The following GNAQ variants were observed in gnomAD, a reference collection of about 807,000 sequenced individuals.
GNAQ encodes the protein G protein subunit alpha q.
GNAQ carries 8 observed loss-of-function variants against 43.9 expected under a neutral mutation model. The observed-to-expected ratio is 0.18, with a 90% CI of 0.11 to 0.33. The LOEUF (loss-of-function observed/expected upper bound fraction) is 0.33, where lower values mean the gene tolerates loss of function less well. GNAQ is among the 10% of genes least tolerant of loss of function. GNAQ has a pLI of 1.00. For missense variants in GNAQ, 158 were observed against 450.8 expected (o/e 0.35, Z 5.88); for synonymous variants, 155 against 170.7 (o/e 0.91, Z 0.71).
chr9:77,866,025 T>C (rs918419790), intron 2 of GNAQ, among the ~76,000 whole-genome samples: 2 of 152,218 alleles, frequency 1.3e-5, no homozygotes, highest in African/African-American at 4.8e-5. Flanking sequence ...ACTGAGAAAG[T>C]TGCTATAATA....
intron 1 of GNAQ, among the ~76,000 whole-genome samples, chr9:78,011,895 C>T (rs1823776442): frequency 1.3e-5 from 2 of 151,968 alleles, no homozygotes; most frequent in African/African-American, 4.8e-5. Context: ...AAAAAAAATT[C>T]AATGATAAAA....
chr9:77,847,942 C>G (rs1827613602), intron 2 of GNAQ, among the ~76,000 whole-genome samples: 1 of 152,228 alleles, frequency 6.6e-6, no homozygotes, highest in Non-Finnish European at 1.5e-5. Flanking sequence ...CAGACCTGCA[C>G]TTAAGTATCT....
chr9:77,876,371 G>A lies in GNAQ; in HGVS notation c.321+45790C>T, dbSNP rs761942869. 1.1e-3 allele frequency among the ~76,000 whole-genome samples: 169 copies of A among 152,190 alleles called. 1 individual carries two copies. Among genetic ancestry groups the A allele is most frequent in the Non-Finnish European group, 6.8e-4 (46 of 68,034 alleles). ...AGCTCCAACTGCATCCCTGTCTGGG[G>A]GAGTTTAGGCAAGCTGCTTAATCAC... On this transcript the variant is annotated intron_variant, in intron 2 of 6. Coordinates refer to ENST00000286548, the MANE Select transcript of GNAQ (RefSeq NM_002072.5).
chr9:77,988,917 C>G (rs1823475421), intron 1 of GNAQ, among the ~76,000 whole-genome samples: 1 of 152,152 alleles, frequency 6.6e-6, no homozygotes, highest in Admixed American at 6.6e-5. Flanking sequence ...GGCAGTAACT[C>G]CTAAGATGAT....
intron 2 of GNAQ, among the ~76,000 whole-genome samples, chr9:77,896,948 T>C (rs1182284464): frequency 6.6e-6 from 1 of 152,052 alleles, no homozygotes; most frequent in Non-Finnish European, 1.5e-5. Flanking sequence ...TGGGCAGCTG[T>C]GTTTTGTCCT....
At chr9:77,797,889 G>A (rs1311214452) in intron 3 of GNAQ, among the ~76,000 whole-genome samples, 2 of 152,058 alleles carry the variant, frequency 1.3e-5, no homozygotes, top group African/African-American at 4.8e-5. Flanking sequence ...TTATCAATTA[G>A]AACTCATACT....
At chr9:77,746,901 T>C (rs1825739268) in intron 5 of GNAQ, among the ~76,000 whole-genome samples, 1 of 152,088 alleles carries the variant, frequency 6.6e-6, no homozygotes, top group African/African-American at 2.4e-5. Context: ...CAGGAGGTGG[T>C]GGTGATGGTG....
rs1038893168 is a variant in GNAQ, at chr9:77,720,705, C to A, written c.*618G>T. 70 of 233,170 alleles carry A rather than the reference C, an allele frequency of 3.0e-4. No homozygotes were observed. In the Admixed American group the frequency reaches 3.9e-3, roughly 13 times the overall value. The allele number at this position is 233,170 out of a possible 1,614,324, so 14.4% of individuals were successfully genotyped here. A position where few individuals can be genotyped will look rare whatever the true frequency, so the allele number is the denominator to read the frequency against. On this transcript the variant is annotated 3_prime_UTR_variant, in exon 7 of 7. Coordinates refer to ENST00000286548, the MANE Select transcript of GNAQ (RefSeq NM_002072.5). ...TCCACTGTCCCAGTCCAAAGTGAGACAAGACAGTATATTCTATTAAAAAAG... is the reference window on the plus strand; with the variant it reads ...TCCACTGTCCCAGTCCAAAGTGAGAAAAGACAGTATATTCTATTAAAAAAG...
At chr9:77,727,258 T>A (rs1825411413) in intron 6 of GNAQ, among the ~76,000 whole-genome samples, 1 of 152,138 alleles carries the variant, frequency 6.6e-6, no homozygotes, top group South Asian at 2.1e-4. Context: ...GCTCAAGTGA[T>A]CCTCTCACCT....
chr9:78,020,369 T>C (rs1363132008), intron 1 of GNAQ, among the ~76,000 whole-genome samples: 2 of 152,098 alleles, frequency 1.3e-5, no homozygotes, highest in Non-Finnish European at 2.9e-5. Context: ...TTCTTTATAC[T>C]CTGTCAAGGG....
intron 6 of GNAQ, among the ~76,000 whole-genome samples, chr9:77,723,271 G>T (rs1825346947): frequency 6.6e-6 from 1 of 152,220 alleles, no homozygotes; most frequent in South Asian, 2.1e-4. Flanking sequence ...GGAGAGATTT[G>T]TACTCTTGTG....
intron 2 of GNAQ, among the ~76,000 whole-genome samples, chr9:77,901,185 A>T (rs1036350510): frequency 1.3e-5 from 2 of 151,830 alleles, no homozygotes; most frequent in African/African-American, 4.8e-5. Context: ...ACACTGTCAC[A>T]CTCTCATGCC....
At chr9:77,753,494 A>G (rs781044090) in intron 5 of GNAQ, among the ~76,000 whole-genome samples, 1 of 152,240 alleles carries the variant, frequency 6.6e-6, no homozygotes, top group Non-Finnish European at 1.5e-5. Context: ...CTTTGGAATG[A>G]TGAAGAGTAA....
intron 5 of GNAQ, among the ~76,000 whole-genome samples, chr9:77,775,480 G>C (rs997526467): frequency 1.4e-5 from 2 of 145,254 alleles, no homozygotes; most frequent in African/African-American, 2.6e-5. Flanking sequence ...CGTGATATCA[G>C]CTCACTGCAA....
chr9:77,987,397 A>G lies in GNAQ; in HGVS notation c.136+43703T>C, dbSNP rs114815891. Among the ~76,000 whole-genome samples, 834 of 152,326 alleles carry G rather than the reference A, an allele frequency of 5.5e-3. 7 individuals are homozygous for G. The highest frequency in any genetic ancestry group is 0.018 in the African/African-American group (757 of 41,564). ...ACATATAATTCCCATGTTTTGAGGC[A>G]TATCAGAGTAACATATGCTGAATAA... On this transcript the variant is annotated intron_variant, in intron 1 of 6. Coordinates refer to ENST00000286548, the MANE Select transcript of GNAQ (RefSeq NM_002072.5).
intron 2 of GNAQ, among the ~76,000 whole-genome samples, chr9:77,847,029 T>C (rs981663688): frequency 6.6e-5 from 10 of 152,150 alleles, no homozygotes; most frequent in African/African-American, 2.4e-4. Flanking sequence ...CTTCCTGAAC[T>C]GTGGTCGCTG....
At position 77,922,359 on chromosome 9, in the gene GNAQ, A is replaced by G. The variant is rs1409939542; in HGVS notation, c.137-14T>C. 1.9e-6 allele frequency: 3 copies of G among 1,599,536 alleles called. No individual in the cohort carries two copies. The highest frequency in any genetic ancestry group is 2.6e-6 in the Non-Finnish European group (3 of 1,167,800). On this transcript the variant is annotated splice_polypyrimidine_tract_variant and intron_variant, in intron 1 of 6. Coordinates refer to ENST00000286548, the MANE Select transcript of GNAQ (RefSeq NM_002072.5). ...TCTCTCCTGTCCCTGAAAGATGAAC[A>G]ATAGCAGCTCATCAGACCACAGTGC...
intron 2 of GNAQ, among the ~76,000 whole-genome samples, chr9:77,857,556 GGGAAGGAA>G (rs754040412): frequency 4.8e-5 from 7 of 147,222 alleles, no homozygotes; most frequent in East Asian, 4.1e-4. Context: ...GAGGGAGGGA[GGGAAGGAA>G]GGAAGGAAGG....
Position 77,844,113 on chromosome 9 carries a change from G to T in GNAQ, c.322-28343C>A, listed in dbSNP as rs911426526. On this transcript the variant is annotated intron_variant, in intron 2 of 6. Coordinates refer to ENST00000286548, the MANE Select transcript of GNAQ (RefSeq NM_002072.5). The stretch of plus-strand genomic sequence containing the variant: ...CAAAATTCCAGGTTTGGAGTTCCTG[G>T]GATTTGAAACAGAACACTAATCTCA... Among the ~76,000 whole-genome samples, 11 of 152,234 alleles carry T rather than the reference G, an allele frequency of 7.2e-5. No homozygotes were observed. In the South Asian group the frequency reaches 2.3e-3, roughly 32 times the overall value.
Sources: gnomAD v4.1 joint callset for allele counts (sites outside exome capture counted in the v4.1 genomes callset) on GRCh38, gnomAD v4.1.1 for gene constraint, MANE v1.5 for transcripts, NCBI Gene and HGNC (gene_info 2026-07-23, HGNC 2026-07-21) for gene names.